UBAP2L: variants seen among roughly 807,000 people sequenced by gnomAD.
The protein encoded by UBAP2L is ubiquitin associated protein 2 like.
In UBAP2L, 12 loss-of-function variants were observed where a neutral mutation model predicts 130.6. That is an observed-to-expected ratio of 0.09 (90% confidence interval 0.06 to 0.15). The LOEUF is 0.15. Among genes scored for constraint, UBAP2L ranks in the 10% least tolerant of loss-of-function variants. The pLI, the probability that UBAP2L is intolerant of heterozygous loss-of-function variation, is 1.00. For missense variants in UBAP2L, 965 were observed against 1,332.5 expected, an observed-to-expected ratio of 0.72 and a Z score of 4.29; for synonymous variants, 503 against 524.7, an observed-to-expected ratio of 0.96 and a Z score of 0.57.
At position 154,251,012 on chromosome 1, in the gene UBAP2L, G is replaced by C. The variant is rs753815386; in HGVS notation, c.1214-29G>C. ...TTCCTTGAGATTCATTAGCATCTCT[G>C]GCTTCATATACTGGGTTTCCTCTTG... On this transcript the variant is annotated intron_variant, in intron 12 of 26. Transcript: ENST00000428931. The C allele has an allele frequency of 1.9e-6, 3 of 1,583,718 alleles. No homozygotes were observed. The East Asian group carries it at 6.7e-5, about 36-fold the overall frequency.
chr1:154,226,795 T>G (rs576212977), intron 2 of UBAP2L, among the ~76,000 whole-genome samples: 1 of 152,330 alleles, frequency 6.6e-6, no homozygotes, highest in African/African-American at 2.4e-5. Context: ...TGTAACAGTT[T>G]CACTCAATTT....
At chr1:154,222,086 G>A (rs921575764) in intron 1 of UBAP2L, among the ~76,000 whole-genome samples, 4 of 152,132 alleles carry the variant, frequency 2.6e-5, no homozygotes, top group African/African-American at 9.7e-5. Flanking sequence ...ACAGTAACAG[G>A]CGTTTTTGTT....
chr1:154,268,198 C>CT lies in UBAP2L; in HGVS notation c.2971-551dup, dbSNP rs1414017139. ...GCCACTGCGCCCAGCCTTTTTTTTT[C>CT]TTTTTTTTCTTGAGATGGAGTCTCC... On this transcript the variant is annotated intron_variant, in intron 25 of 26. Transcript: ENST00000428931. Among the ~76,000 whole-genome samples, 376 of 147,120 alleles carry CT rather than the reference C, an allele frequency of 2.6e-3. 6 individuals carry two copies. Among genetic ancestry groups the CT allele is most frequent in the African/African-American group, 8.9e-3 (355 of 39,798 alleles).
chr1:154,227,531 T>C (rs1263696208), intron 3 of UBAP2L, among the ~76,000 whole-genome samples, 172 bp downstream of exon 3: 1 of 151,898 alleles, frequency 6.6e-6, no homozygotes, highest in East Asian at 1.9e-4. Context: ...CTCTAATTTT[T>C]TGTAGCCCTT....
chr1:154,267,906 T>TTTTTTTTTTTTA (rs1683806354), intron 25 of UBAP2L, among the ~76,000 whole-genome samples: 1 of 135,896 alleles, frequency 7.4e-6, no homozygotes, highest in African/African-American at 2.8e-5. Flanking sequence ...TTTTTTTTTT[T>TTTTTTTTTTTTA]GAGACGGAGT....
Position 154,270,501 on chromosome 1 carries a change from C to T in UBAP2L, c.*206C>T. 6.9e-7 allele frequency: 1 copy of T among 1,453,118 alleles called. No individual in the cohort carries two copies. Among genetic ancestry groups the T allele is most frequent in the Non-Finnish European group, 9.0e-7 (1 of 1,107,422 alleles). 90.0% of individuals were successfully genotyped at this position (1,453,118 alleles called of 1,614,324 possible). A position where few individuals can be genotyped will look rare whatever the true frequency, so the allele number is the denominator to read the frequency against. On this transcript the variant is annotated 3_prime_UTR_variant, in exon 27 of 27. Coordinates refer to ENST00000428931, the MANE Select transcript of UBAP2L (RefSeq NM_014847.4). ...TGTATTATAGGATTTGTATTTTCTC[C>T]TTTTTTTTCCCCCTTCCATTCCTTC... is the stretch of plus-strand genomic sequence containing the variant.
At chr1:154,239,268 G>A (rs1672701210) in intron 8 of UBAP2L, among the ~76,000 whole-genome samples, 1 of 151,138 alleles carries the variant, frequency 6.6e-6, no homozygotes. Flanking sequence ...TTCAGGACTT[G>A]ATTTCATTGG....
chr1:154,263,468 T>A, intron 24 of UBAP2L: 1 of 1,154,548 alleles, frequency 8.7e-7, no homozygotes, highest in Non-Finnish European at 1.1e-6. Context: ...CAAAAATATT[T>A]GTAGTCTTCA....
intron 26 of UBAP2L, chr1:154,269,768 T>A (rs1298945299): frequency 4.2e-6 from 1 of 237,516 alleles, no homozygotes; most frequent in Non-Finnish European, 8.4e-6. Flanking sequence ...GCAAGTGGCC[T>A]CTTGAGAGCT....
chr1:154,267,738 C>T (rs1469174831), intron 25 of UBAP2L, among the ~76,000 whole-genome samples: 1 of 151,938 alleles, frequency 6.6e-6, no homozygotes, highest in Non-Finnish European at 1.5e-5. Context: ...AAGCAATCCA[C>T]CCGCCTTAGC....
At chr1:154,266,296 C>T (rs1253188032) in intron 24 of UBAP2L, among the ~76,000 whole-genome samples, 3 of 152,204 alleles carry the variant, frequency 2.0e-5, no homozygotes, top group Admixed American at 6.5e-5. Context: ...GTATACTCAA[C>T]ACGTACCTGG....
At chr1:154,237,576 G>A (rs1193797152) in intron 8 of UBAP2L, among the ~76,000 whole-genome samples, 3 of 152,178 alleles carry the variant, frequency 2.0e-5, no homozygotes, top group Non-Finnish European at 4.4e-5. Context: ...GCCACTGCTT[G>A]TAAAGATGAA....
In UBAP2L at chr1:154,246,187, C is replaced by T. The variant is rs752037900; in HGVS notation, c.843-17C>T. On this transcript the variant is annotated splice_polypyrimidine_tract_variant and intron_variant, in intron 10 of 26. Transcript: ENST00000428931. The stretch of plus-strand genomic sequence containing the variant: ...GTTCAGTCATTCTTCATGAAGATCC[C>T]TTCCCTTCCCCATTAGAATTGACCT... 3.1e-6 allele frequency: 5 copies of T among 1,592,106 alleles called. No homozygotes were observed. In the Admixed American group the frequency reaches 8.4e-5, roughly 27 times the overall value.
intron 10 of UBAP2L, 144 bp downstream of exon 10, chr1:154,243,446 T>C (rs929237159): frequency 1.6e-6 from 1 of 630,882 alleles, no homozygotes; most frequent in Non-Finnish European, 2.5e-6. Context: ...TCCTCTTAAG[T>C]TGATGGAGAG....
At chr1:154,240,851 T>C (rs2148718311) in intron 8 of UBAP2L, among the ~76,000 whole-genome samples, 1 of 151,764 alleles carries the variant, frequency 6.6e-6, no homozygotes, top group South Asian at 2.1e-4. Flanking sequence ...TTAAATTGGC[T>C]GCTGCCATTT....
At chr1:154,228,028 A>C (rs569584820) in intron 3 of UBAP2L, among the ~76,000 whole-genome samples, 13 of 152,198 alleles carry the variant, frequency 8.5e-5, no homozygotes, top group Non-Finnish European at 1.6e-4. Context: ...ATTGCTTTGT[A>C]AATACTTTTG....
At chr1:154,221,906 C>T (rs1481237825) in intron 1 of UBAP2L, among the ~76,000 whole-genome samples, 1 of 152,174 alleles carries the variant, frequency 6.6e-6, no homozygotes, top group African/African-American at 2.4e-5. Flanking sequence ...GGTATTTGTT[C>T]ACTCTTCTCA....
At chr1:154,255,473 CAG>C in intron 17 of UBAP2L, 147 bp downstream of exon 17, 1 of 1,220,012 alleles carries the variant, frequency 8.2e-7, no homozygotes, top group South Asian at 1.5e-5. Context: ...GAAGTGAAGA[CAG>C]AGGAGGCTTG....
chr1:154,269,248 C>A, intron 26 of UBAP2L: 1 of 1,121,356 alleles, frequency 8.9e-7, no homozygotes. Context: ...CACCTTCCCT[C>A]TTTCCTCTCC....
Sources: allele counts gnomAD v4.1 joint callset (sites outside exome capture counted in the v4.1 genomes callset), GRCh38; gene constraint gnomAD v4.1.1; transcripts MANE v1.5; gene names NCBI Gene and HGNC (gene_info 2026-07-23, HGNC 2026-07-21).